MIS18A: variants seen among roughly 807,000 people sequenced by gnomAD.
MIS18A encodes the protein MIS18 kinetochore protein A, also known as protein Mis18-alpha.
In MIS18A, 14 loss-of-function variants were observed where a neutral mutation model predicts 25.0. The ratio of observed to expected loss-of-function variants is 0.56; its 90% CI spans 0.37 to 0.88. The LOEUF is 0.88. Ranked by LOEUF, MIS18A falls within the 40% of genes least tolerant of loss-of-function variation. MIS18A has a pLI of 0.00. For missense variants in MIS18A, 292 were observed against 290.8 expected (o/e 1.00, Z -0.03); for synonymous variants, 134 against 118.6 (o/e 1.13, Z -0.84).
chr21:32,247,724 A>C, the MIS18A span, among the ~76,000 whole-genome samples: 12 of 152,184 alleles, frequency 7.9e-5, no homozygotes, highest in African/African-American at 1.2e-4. Context: ...CACAGGGAGA[A>C]AGTGGCCACC....
chr21:32,215,588 A>C, the MIS18A span, among the ~76,000 whole-genome samples: 1 of 152,138 alleles, frequency 6.6e-6, no homozygotes, highest in Non-Finnish European at 1.5e-5. Flanking sequence ...TATCCATCTC[A>C]GAGGGAGCTC....
chr21:32,217,077 TATGAGACATACAAAGAAACAAAAA>T, the MIS18A span, among the ~76,000 whole-genome samples: 1 of 152,124 alleles, frequency 6.6e-6, no homozygotes, highest in African/African-American at 2.4e-5. Context: ...AATAAAAAAT[TATGAGACATACAAAGAAACAAAAA>T]GTATGACCCA....
At chr21:32,267,056 G>A (rs1415127628), downstream of MIS18A, among the ~76,000 whole-genome samples, 2 of 152,102 alleles carry the variant, frequency 1.3e-5, no homozygotes, top group Admixed American at 6.5e-5. Context: ...AGAAACAAGC[G>A]GCCCAGGACA....
the MIS18A span, among the ~76,000 whole-genome samples, chr21:32,220,278 G>A: frequency 3.3e-5 from 5 of 152,336 alleles, no homozygotes; most frequent in Admixed American, 1.3e-4. Context: ...TCCAGAGGAA[G>A]GAGCAAGCAG....
the MIS18A span, among the ~76,000 whole-genome samples, chr21:32,189,648 T>C: frequency 2.0e-5 from 3 of 152,128 alleles, no homozygotes; most frequent in Non-Finnish European, 4.4e-5. Context: ...CCCTTTACGT[T>C]TTATCATGCA....
chr21:32,191,813 C>G, the MIS18A span, among the ~76,000 whole-genome samples: 1 of 151,672 alleles, frequency 6.6e-6, no homozygotes, highest in African/African-American at 2.4e-5. Context: ...GCTGAGGCAG[C>G]AGAATCGCTT....
At chr21:32,174,368 T>C in the MIS18A span, among the ~76,000 whole-genome samples, 1 of 152,170 alleles carries the variant, frequency 6.6e-6, no homozygotes, top group Non-Finnish European at 1.5e-5. Flanking sequence ...AAATATATAC[T>C]ATGCAAGCAC....
the MIS18A span, among the ~76,000 whole-genome samples, chr21:32,221,373 C>A: frequency 6.6e-6 from 1 of 152,076 alleles, no homozygotes; most frequent in Non-Finnish European, 1.5e-5. Context: ...TTGTATCCAG[C>A]CAAACTAAGC....
rs202138662 is a variant in MIS18A at position 32,268,941 on chromosome 21, T to G, written c.*96A>C. 4 of 472,426 alleles carry G rather than the reference T, an allele frequency of 8.5e-6. No homozygotes were observed. The African/African-American group carries it at 9.9e-5, about 12-fold the overall frequency. 29.3% of individuals were successfully genotyped at this position (472,426 alleles called of 1,614,324 possible). A position where few individuals can be genotyped will look rare whatever the true frequency, so the allele number is the denominator to read the frequency against. On this transcript the variant is annotated 3_prime_UTR_variant, in exon 5 of 5. Coordinates refer to ENST00000290130, the MANE Select transcript of MIS18A (RefSeq NM_018944.3). ...GCATGCCTGGCTAATTTTTTTTTTCTTTTTTTTTTTGTAGAGACGACGTCT... is the reference window on the plus strand; with the variant it reads ...GCATGCCTGGCTAATTTTTTTTTTCGTTTTTTTTTTGTAGAGACGACGTCT...
the MIS18A span, among the ~76,000 whole-genome samples, chr21:32,161,203 A>C: frequency 6.6e-6 from 1 of 152,206 alleles, no homozygotes; most frequent in Non-Finnish European, 1.5e-5. Context: ...TTTATCTAAT[A>C]TCCTCTCTTC....
intron 2 of MIS18A, 27 bp downstream of exon 2, chr21:32,274,801 CAT>C (rs1362708111): frequency 6.4e-7 from 1 of 1,550,980 alleles, no homozygotes. Context: ...AATTCTCTAA[CAT>C]ATTCATATAA....
At chr21:32,231,098 A>T in the MIS18A span, among the ~76,000 whole-genome samples, 42 of 152,046 alleles carry the variant, frequency 2.8e-4, no homozygotes, top group Admixed American at 2.3e-3. Context: ...TTAGCCAGGC[A>T]TGGTGGTGCA....
At chr21:32,212,328 T>C in the MIS18A span, among the ~76,000 whole-genome samples, 1 of 152,192 alleles carries the variant, frequency 6.6e-6, no homozygotes, top group Non-Finnish European at 1.5e-5. Context: ...CTACTTCTCG[T>C]GGTTGGCAGG....
the MIS18A span, among the ~76,000 whole-genome samples, chr21:32,191,940 A>AAAAG: frequency 0.013 from 1,920 of 152,170 alleles, 31 homozygotes; most frequent in African/African-American, 0.042. Context: ...AGAAGAAAGA[A>AAAAG]AAAGAAAGAA....
the MIS18A span, among the ~76,000 whole-genome samples, chr21:32,237,993 A>T: frequency 6.6e-6 from 1 of 152,128 alleles, no homozygotes; most frequent in Non-Finnish European, 1.5e-5. Flanking sequence ...TGTGTCAGTA[A>T]TGCCTCCCCT....
In MIS18A at chr21:32,268,929, A is replaced by ATTTTTTTTTTTTTTTTTTTTTTTTTTT; in HGVS notation, c.*107_*108insAAAAAAAAAAAAAAAAAAAAAAAAAAA. On this transcript the variant is annotated 3_prime_UTR_variant, in exon 5 of 5. Coordinates refer to ENST00000290130, the MANE Select transcript of MIS18A (RefSeq NM_018944.3). ...CCTCAGCGTTTCGCATGCCTGGCTA[A>ATTTTTTTTTTTTTTTTTTTTTTTTTTT]TTTTTTTTTTCTTTTTTTTTTTGTA... is the stretch of plus-strand genomic sequence containing the variant. The ATTTTTTTTTTTTTTTTTTTTTTTTTTT allele has an allele frequency of 1.4e-6, 1 of 732,374 alleles. No individual in the cohort carries two copies. Among genetic ancestry groups the ATTTTTTTTTTTTTTTTTTTTTTTTTTT allele is most frequent in the Non-Finnish European group, 2.1e-6 (1 of 476,140 alleles). The allele number at this position is 732,374 out of a possible 1,614,324, so 45.4% of individuals were successfully genotyped here.
At chr21:32,190,973 G>A in the MIS18A span, among the ~76,000 whole-genome samples, 1 of 152,180 alleles carries the variant, frequency 6.6e-6, no homozygotes, top group African/African-American at 2.4e-5. Flanking sequence ...TGAGGCACAC[G>A]GCTTTCCCTG....
At chr21:32,249,689 G>C in the MIS18A span, among the ~76,000 whole-genome samples, 3 of 152,128 alleles carry the variant, frequency 2.0e-5, no homozygotes, top group East Asian at 5.8e-4. Flanking sequence ...AGAACCTCAG[G>C]AAGCTTCCAC....
At chr21:32,190,416 T>C in the MIS18A span, among the ~76,000 whole-genome samples, 1 of 152,222 alleles carries the variant, frequency 6.6e-6, no homozygotes, top group Non-Finnish European at 1.5e-5. Context: ...TGAGCATTCC[T>C]GATAGACACC....
Sources: allele counts gnomAD v4.1 joint callset (sites outside exome capture counted in the v4.1 genomes callset), GRCh38; gene constraint gnomAD v4.1.1; transcripts MANE v1.5; gene names NCBI Gene and HGNC (gene_info 2026-07-23, HGNC 2026-07-21).